Variants in USP40 observed in about 807,000 individuals in gnomAD.
The protein encoded by USP40 is ubiquitin carboxyl-terminal hydrolase 40.
USP40 carries 143 observed loss-of-function variants against 166.2 expected under a neutral mutation model. The observed-to-expected ratio is 0.86, with a 90% CI of 0.75 to 0.99. The LOEUF is 0.99. Ranked by LOEUF, USP40 falls within the 50% of genes least tolerant of loss-of-function variation. The probability of loss-of-function intolerance (pLI) is 0.00; values close to 1 mark genes in which losing one functional copy is unlikely to be tolerated. For missense variants in USP40, 1,444 were observed against 1,479.7 expected, an observed-to-expected ratio of 0.98 and a Z score of 0.40; for synonymous variants, 498 against 524.0, an observed-to-expected ratio of 0.95 and a Z score of 0.68.
At chr2:233,511,881 GA>G in intron 19 of USP40, 84 bp from the exon 20 acceptor site, 1 of 1,102,060 alleles carries the variant, frequency 9.1e-7, no homozygotes. Context: ...GTATTTCTTT[GA>G]AAATCAAGAA....
At chr2:233,560,047 C>A in intron 3 of USP40, 123 bp from the exon 4 acceptor site, 1 of 580,744 alleles carries the variant, frequency 1.7e-6, no homozygotes, top group Non-Finnish European at 2.9e-6. Flanking sequence ...TTATAAATAT[C>A]CTATTATAAG....
At chr2:233,522,873 T>C (rs1276923579) in intron 16 of USP40, among the ~76,000 whole-genome samples, 1 of 152,254 alleles carries the variant, frequency 6.6e-6, no homozygotes, top group Non-Finnish European at 1.5e-5. Context: ...CTAATCAGAA[T>C]TCACTTGATA....
At position 233,486,448 on chromosome 2, in the gene USP40, G is replaced by C. The variant is rs1374638045; in HGVS notation, c.3198-471C>G. 2.0e-4 allele frequency among the ~76,000 whole-genome samples: 31 copies of C among 152,164 alleles called. No individual in the cohort carries two copies. On this transcript the variant is annotated intron_variant, in intron 28 of 31. Transcript: ENST00000678225. This position sits in a 1 kb window ranked among gnomAD's most constrained non-coding sequence, Gnocchi z 4.0. ...CCTGAGGGTTGGAATTGGGAAGAGA[G>C]ACACAGGGCGGGTGAGACACAAGGC... is the stretch of plus-strand genomic sequence containing the variant.
chr2:233,486,276 C>T lies in USP40; in HGVS notation c.3198-299G>A, dbSNP rs542526906. On this transcript the variant is annotated intron_variant, in intron 28 of 31. Coordinates refer to ENST00000678225, the MANE Select transcript of USP40 (RefSeq NM_001365479.2). The surrounding 1 kb of genome is among the most constrained non-coding windows in gnomAD (Gnocchi z 4.0). ...AAAGAGGTGGCGGCCTGAGCAGGTA[C>T]GATGTGGCAGAGAGGGACAGGGTGA... 1.3e-5 allele frequency among the ~76,000 whole-genome samples: 2 copies of T among 152,214 alleles called. No individual in the cohort carries two copies. The highest frequency in any genetic ancestry group is 2.4e-5 in the African/African-American group (1 of 41,540).
intron 21 of USP40, among the ~76,000 whole-genome samples, chr2:233,504,923 G>A (rs2066318525): frequency 6.6e-6 from 1 of 151,974 alleles, no homozygotes; most frequent in Admixed American, 6.6e-5. Context: ...CAACTGCACA[G>A]AGAATATTAT....
At chr2:233,528,087 T>G (rs1366579300) in intron 12 of USP40, among the ~76,000 whole-genome samples, 1 of 152,004 alleles carries the variant, frequency 6.6e-6, no homozygotes, top group African/African-American at 2.4e-5. Flanking sequence ...CAAGCGATTC[T>G]TCTGCCTCAG....
Position 233,486,575 on chromosome 2 carries a change from G to A in USP40, c.3198-598C>T, listed in dbSNP as rs75416773. 0.011 allele frequency among the ~76,000 whole-genome samples: 1,635 copies of A among 152,304 alleles called. 37 individuals are homozygous for A. Among genetic ancestry groups the A allele is most frequent in the African/African-American group, 0.037 (1,534 of 41,546 alleles). On this transcript the variant is annotated intron_variant, in intron 28 of 31. Coordinates refer to ENST00000678225, the MANE Select transcript of USP40 (RefSeq NM_001365479.2). This position sits in a 1 kb window ranked among gnomAD's most constrained non-coding sequence, Gnocchi z 4.0. ...CGTGCAGAGGTCAGCACAGGCCATGGAGGAAAAGCTATAGATAAGAACTGG... is the reference window on the plus strand; with the variant it reads ...CGTGCAGAGGTCAGCACAGGCCATGAAGGAAAAGCTATAGATAAGAACTGG...
chr2:233,489,415 C>A lies in USP40; in HGVS notation c.3081G>T (p.Val1027=). 6.2e-7 allele frequency: 1 copy of A among 1,605,798 alleles called. No homozygotes were observed. Among genetic ancestry groups the A allele is most frequent in the Non-Finnish European group, 8.5e-7 (1 of 1,176,378 alleles). Residue 1027 remains valine, a synonymous_variant, in exon 27 of 32, where the codon GTG becomes GTT. Coordinates refer to ENST00000678225, the MANE Select transcript of USP40 (RefSeq NM_001365479.2). Reference sequence around the variant, plus strand: ...AAAGCCTGCCTGGGCGCTTCCTCTCCACCGTCCAGGCTCTGAGGTGGGCTG... The same window carrying A: ...AAAGCCTGCCTGGGCGCTTCCTCTCAACCGTCCAGGCTCTGAGGTGGGCTG... The part of the protein sequence containing the change: ...PSPAHLRAWT[V]ERKRPGRLLR...
chr2:233,494,979 T>TATATATATATATATATATAC (rs1197969295), intron 24 of USP40, among the ~76,000 whole-genome samples: 1 of 74,938 alleles, frequency 1.3e-5, no homozygotes, highest in African/African-American at 6.4e-5. Context: ...TATATATATA[T>TATATATATATATATATATAC]ACACACACAT....
rs769303358 is a variant in USP40, at chr2:233,485,582, ATAATCT to A, written c.3447_3452del (p.Gln1149_Tyr1151delinsHis). The stretch of plus-strand genomic sequence containing the variant: ...TCAAGTAATACGGTGCCCCTTGCAA[ATAATCT>A]TGTTTTTTTTTCTTTTTCCTCTTGG... On this transcript the variant is annotated inframe_deletion, in exon 30 of 32. Coordinates refer to ENST00000678225, the MANE Select transcript of USP40 (RefSeq NM_001365479.2). 3.1e-6 allele frequency: 5 copies of A among 1,613,834 alleles called. No individual in the cohort carries two copies. Among genetic ancestry groups the A allele is most frequent in the East Asian group, 4.5e-5 (2 of 44,904 alleles).
rs780862730 is a variant in USP40 at position 233,525,540 on chromosome 2, T to C, written c.1748A>G (p.Asp583Gly). 6.2e-7 allele frequency: 1 copy of C among 1,613,066 alleles called. No individual in the cohort carries two copies. The highest frequency in any genetic ancestry group is 1.1e-5 in the South Asian group (1 of 90,890). ...IFQLLEFWEGDMVLSVAKLVP... is the reference protein window; with the variant it reads ...IFQLLEFWEGGMVLSVAKLVP... ...AAGCTTTGCAACACTAAGAACCATGTCTCCTTCCCAAAATTCTAACAGCTG... is the reference window on the plus strand; with the variant it reads ...AAGCTTTGCAACACTAAGAACCATGCCTCCTTCCCAAAATTCTAACAGCTG... The change falls in exon 14 of 32, where the codon GAC (aspartate) becomes GGC (glycine). Residue 583 changes from aspartate to glycine, a missense_variant. Asp to Gly is a moderately conservative substitution (Grantham distance 94, BLOSUM62 -1). Transcript: ENST00000678225.
intron 10 of USP40, among the ~76,000 whole-genome samples, chr2:233,536,096 A>G (rs961824989): frequency 1.3e-5 from 2 of 152,182 alleles, no homozygotes; most frequent in Admixed American, 6.5e-5. Flanking sequence ...ATTCATAATC[A>G]ACAGATGGAA....
intron 21 of USP40, among the ~76,000 whole-genome samples, chr2:233,506,842 T>C (rs117034875): frequency 0.013 from 1,920 of 148,606 alleles, 37 homozygotes; most frequent in East Asian, 0.085. Flanking sequence ...GCCCTGGGGG[T>C]GGAGGTTGCA....
Position 233,527,628 on chromosome 2 carries a change from CTG to C in USP40, c.1554-52_1554-51del, listed in dbSNP as rs1317173131. The C allele has an allele frequency of 2.1e-6, 3 of 1,455,512 alleles. 1 individual carries two copies. The allele number at this position is 1,455,512 out of a possible 1,614,324, so 90.2% of individuals were successfully genotyped here. A position where few individuals can be genotyped will look rare whatever the true frequency, so the allele number is the denominator to read the frequency against. The stretch of plus-strand genomic sequence containing the variant: ...AAATACTGTGTTTTTATAACAGACA[CTG>C]TGTTTTATCTCAAACCAAAGATATC... On this transcript the variant is annotated intron_variant, in intron 12 of 31. Transcript: ENST00000678225.
At chr2:233,556,125 A>G (rs2071068385) in intron 5 of USP40, among the ~76,000 whole-genome samples, 1 of 152,030 alleles carries the variant, frequency 6.6e-6, no homozygotes. Flanking sequence ...CAAAAAAAAA[A>G]AAAAAGAAAA....
chr2:233,550,920 T>C (rs1179377248), intron 7 of USP40, among the ~76,000 whole-genome samples: 1 of 152,208 alleles, frequency 6.6e-6, no homozygotes, highest in Non-Finnish European at 1.5e-5. Context: ...CAATTAATGG[T>C]GAGTTTTCTA....
intron 31 of USP40, among the ~76,000 whole-genome samples, chr2:233,477,970 C>A (rs991502864): frequency 6.6e-6 from 1 of 152,196 alleles, no homozygotes; most frequent in African/African-American, 2.4e-5. Context: ...TCGCTGTGAC[C>A]CCCCCGGCCC....
intron 3 of USP40, among the ~76,000 whole-genome samples, chr2:233,560,470 G>T (rs573723263): frequency 5.9e-5 from 9 of 152,250 alleles, no homozygotes; most frequent in African/African-American, 1.9e-4. Context: ...TAAGCATTTA[G>T]AAATTGTAAT....
rs2125078597 is a variant in USP40 at position 233,493,627 on chromosome 2, A to C, written c.2791-76T>G. ...CTCTACTTTTACTTCCATAGAAAGA[A>C]ACACCTTGATGACCTAAGATGTTCT... On this transcript the variant is annotated intron_variant, in intron 24 of 31. Transcript: ENST00000678225. This position sits in a 1 kb window ranked among gnomAD's most constrained non-coding sequence, Gnocchi z 4.7. 6.9e-7 allele frequency: 1 copy of C among 1,459,574 alleles called. No homozygotes were observed. The highest frequency in any genetic ancestry group is 2.4e-5 in the East Asian group (1 of 40,912). 90.4% of individuals were successfully genotyped at this position (1,459,574 alleles called of 1,614,324 possible).
Sources: gnomAD v4.1 joint callset for allele counts (sites outside exome capture counted in the v4.1 genomes callset) on GRCh38, gnomAD v4.1.1 for gene constraint, Gnocchi (gnomAD v3.1) non-coding constraint, MANE v1.5 for transcripts, NCBI Gene and HGNC (gene_info 2026-07-23, HGNC 2026-07-21) for gene names.